ATG10: variants seen among roughly 807,000 people sequenced by gnomAD.
The protein encoded by ATG10 is autophagy related 10.
In ATG10, 30 loss-of-function variants were observed where a neutral mutation model predicts 32.1. The ratio of observed to expected loss-of-function variants is 0.94; its 90% CI spans 0.70 to 1.27. The LOEUF (loss-of-function observed/expected upper bound fraction) is 1.27. Ranked by LOEUF, ATG10 falls within the 50% of genes most tolerant of loss-of-function variation. The probability of loss-of-function intolerance (pLI) is 0.00; values close to 1 mark genes in which losing one functional copy is unlikely to be tolerated. For missense variants in ATG10, 233 were observed against 262.3 expected, an observed-to-expected ratio of 0.89 and a Z score of 0.77; for synonymous variants, 87 against 91.5, an observed-to-expected ratio of 0.95 and a Z score of 0.28.
At chr5:82,093,672 A>AT (rs1764962495) in intron 3 of ATG10, among the ~76,000 whole-genome samples, 1 of 151,968 alleles carries the variant, frequency 6.6e-6, no homozygotes, top group Non-Finnish European at 1.5e-5. Context: ...ATGTATGGTA[A>AT]TTTTTTATCA....
chr5:82,023,024 G>A (rs1455966919), intron 2 of ATG10, among the ~76,000 whole-genome samples: 2 of 145,790 alleles, frequency 1.4e-5, no homozygotes, highest in African/African-American at 2.7e-5. Flanking sequence ...ATATATATAT[G>A]TATGTATATA....
intron 5 of ATG10, among the ~76,000 whole-genome samples, chr5:82,202,540 T>G (rs1230152656): frequency 6.6e-6 from 1 of 152,202 alleles, no homozygotes; most frequent in Non-Finnish European, 1.5e-5. Context: ...AAGACTTTTA[T>G]CTGTACACAG....
intron 2 of ATG10, among the ~76,000 whole-genome samples, chr5:82,034,623 C>T (rs1003064148): frequency 3.9e-5 from 6 of 152,080 alleles, no homozygotes; most frequent in African/African-American, 1.4e-4. Context: ...TGGTTCCTCT[C>T]GTCTTTCTTC....
chr5:82,090,007 A>G (rs1764826394), intron 3 of ATG10, among the ~76,000 whole-genome samples: 1 of 151,938 alleles, frequency 6.6e-6, no homozygotes, highest in South Asian at 2.1e-4. Context: ...TAGCTTTTAG[A>G]GAAATGCAAA....
intron 3 of ATG10, among the ~76,000 whole-genome samples, chr5:82,097,994 C>A (rs1765127766): frequency 6.6e-6 from 1 of 152,102 alleles, no homozygotes; most frequent in South Asian, 2.1e-4. Context: ...CTTGTTTCCC[C>A]CTGTGACGTT....
chr5:82,175,337 A>C (rs1298551609), intron 4 of ATG10, among the ~76,000 whole-genome samples: 1 of 152,136 alleles, frequency 6.6e-6, no homozygotes, highest in Non-Finnish European at 1.5e-5. Flanking sequence ...GTAAAGATGG[A>C]GTCTCACTTT....
At chr5:82,210,251 T>C (rs1413509238) in intron 5 of ATG10, among the ~76,000 whole-genome samples, 1 of 152,192 alleles carries the variant, frequency 6.6e-6, no homozygotes, top group African/African-American at 2.4e-5. Flanking sequence ...AGAGATACTT[T>C]AAGGCTCTGT....
intron 3 of ATG10, chr5:82,073,244 C>T (rs576187414): frequency 7.2e-4 from 110 of 152,348 alleles, no homozygotes; most frequent in African/African-American, 2.6e-3. Context: ...TCTTTCTGAT[C>T]TATTCTACTC....
chr5:82,138,680 G>C (rs1053219430), intron 3 of ATG10, among the ~76,000 whole-genome samples: 3 of 152,076 alleles, frequency 2.0e-5, no homozygotes, highest in Non-Finnish European at 2.9e-5. Context: ...CATCTTGCCC[G>C]GGGATCCATG....
intron 3 of ATG10, among the ~76,000 whole-genome samples, chr5:82,128,876 CTG>C (rs1459625238): frequency 1.3e-5 from 2 of 151,436 alleles, no homozygotes; most frequent in African/African-American, 4.8e-5. Flanking sequence ...GTGGTGTTCT[CTG>C]TATTTCCTGA....
At chr5:82,097,239 G>A (rs1293392349) in intron 3 of ATG10, among the ~76,000 whole-genome samples, 1 of 151,852 alleles carries the variant, frequency 6.6e-6, no homozygotes, top group Non-Finnish European at 1.5e-5. Context: ...AAATTTTTTT[G>A]TATTGAAATT....
At chr5:82,148,663 T>C (rs1767461209) in intron 3 of ATG10, among the ~76,000 whole-genome samples, 2 of 152,220 alleles carry the variant, frequency 1.3e-5, no homozygotes, top group African/African-American at 2.4e-5. Context: ...TCACCACAAG[T>C]TCATACCAAT....
At chr5:82,065,579 T>A (rs992779879) in intron 3 of ATG10, among the ~76,000 whole-genome samples, 1 of 152,146 alleles carries the variant, frequency 6.6e-6, no homozygotes, top group African/African-American at 2.4e-5. Flanking sequence ...GTGACACTTA[T>A]TTTCATAAAT....
At chr5:82,141,594 A>T (rs941026406) in intron 3 of ATG10, among the ~76,000 whole-genome samples, 30 of 152,328 alleles carry the variant, frequency 2.0e-4, no homozygotes, top group African/African-American at 6.3e-4. Context: ...GATGAAAAAA[A>T]TAAGCTAAAC....
intron 1 of ATG10, among the ~76,000 whole-genome samples, chr5:81,983,251 C>T (rs1311303036): frequency 7.0e-6 from 1 of 143,546 alleles, no homozygotes; most frequent in African/African-American, 2.6e-5. Context: ...CCCCCCACCT[C>T]CCTCCTGGAC....
chr5:82,129,504 T>C (rs1766426750), intron 3 of ATG10, among the ~76,000 whole-genome samples: 1 of 152,154 alleles, frequency 6.6e-6, no homozygotes, highest in Admixed American at 6.6e-5. Flanking sequence ...TCTTTGATGC[T>C]GAAGCCCTTC....
chr5:82,136,335 A>G (rs538194395), intron 3 of ATG10, among the ~76,000 whole-genome samples: 3 of 152,242 alleles, frequency 2.0e-5, no homozygotes, highest in Admixed American at 6.5e-5. Flanking sequence ...GGTCTTTACA[A>G]TTTGATATGT....
intron 5 of ATG10, among the ~76,000 whole-genome samples, chr5:82,250,798 G>A (rs944137393): frequency 1.4e-4 from 21 of 152,222 alleles, no homozygotes; most frequent in African/African-American, 5.1e-4. Flanking sequence ...ACTATAGCTA[G>A]AAGTATTCTG....
chr5:82,143,584 G>T (rs2149869203), intron 3 of ATG10, among the ~76,000 whole-genome samples: 2 of 152,332 alleles, frequency 1.3e-5, no homozygotes, highest in Middle Eastern at 6.8e-3. Context: ...ACAGGGTCTT[G>T]GATGAATAAT....
Sources: allele counts gnomAD v4.1 joint callset (sites outside exome capture counted in the v4.1 genomes callset), GRCh38; gene constraint gnomAD v4.1.1; transcripts MANE v1.5; gene names NCBI Gene and HGNC (gene_info 2026-07-23, HGNC 2026-07-21).